The following SRFBP1 variants were observed in gnomAD, a reference collection of about 807,000 sequenced individuals.
SRFBP1 encodes serum response factor-binding protein 1.
Under a neutral mutation model 45.5 loss-of-function variants are expected in SRFBP1, and 47 were observed. The ratio of observed to expected loss-of-function variants is 1.03; its 90% CI spans 0.82 to 1.32. The LOEUF (loss-of-function observed/expected upper bound fraction) is 1.32. Ranked by LOEUF, SRFBP1 falls within the 40% of genes most tolerant of loss-of-function variation. SRFBP1 has a pLI of 0.00. For synonymous variants in SRFBP1, 203 were observed against 166.3 expected (o/e 1.22, Z -1.70); for missense variants, 621 against 484.6 (o/e 1.28, Z -2.64).
At chr5:122,002,335 T>A (rs1752888139) in intron 4 of SRFBP1, among the ~76,000 whole-genome samples, 2 of 152,246 alleles carry the variant, frequency 1.3e-5, no homozygotes, top group African/African-American at 4.8e-5. Flanking sequence ...TTCTGCATAA[T>A]CTGATTTTCC....
At chr5:122,030,964 A>G (rs559256335), downstream of SRFBP1, among the ~76,000 whole-genome samples, 5 of 152,280 alleles carry the variant, frequency 3.3e-5, no homozygotes, top group East Asian at 9.6e-4. Flanking sequence ...CTGTGTGCAT[A>G]CTCAGGAAAA....
At chr5:122,077,264 G>A, downstream of SRFBP1, 1 of 1,564,830 alleles carries the variant, frequency 6.4e-7, no homozygotes, top group Non-Finnish European at 8.6e-7. The surrounding 1 kb of genome is among the most constrained non-coding windows in gnomAD (Gnocchi z 4.9). Context: ...TGCGAGGACC[G>A]GGGCCCGCCG....
intron 7 of SRFBP1, among the ~76,000 whole-genome samples, chr5:122,023,021 G>A (rs955084116): frequency 6.6e-6 from 1 of 152,120 alleles, no homozygotes; most frequent in African/African-American, 2.4e-5. Context: ...TTCTCCATTT[G>A]CCAATAGAAG....
chr5:122,059,328 G>T (rs933907845), intron 2 of SRFBP1, among the ~76,000 whole-genome samples: 1 of 152,042 alleles, frequency 6.6e-6, no homozygotes, highest in African/African-American at 2.4e-5. Flanking sequence ...CAGAGAGCAG[G>T]TTGCCTAAAT....
intron 3 of SRFBP1, among the ~76,000 whole-genome samples, chr5:121,992,515 T>TA (rs1196555295): frequency 9.2e-5 from 14 of 152,200 alleles, no homozygotes; most frequent in East Asian, 5.8e-4. Flanking sequence ...AACTCCATCT[T>TA]AAAAAATTCT....
intron 2 of SRFBP1, among the ~76,000 whole-genome samples, chr5:122,049,463 TCAA>T (rs1238326121): frequency 1.3e-5 from 2 of 152,108 alleles, no homozygotes; most frequent in African/African-American, 4.8e-5. Flanking sequence ...ATTAGACAGA[TCAA>T]CGAGACAGAA....
chr5:122,035,048 T>A (rs1753666925), intron 2 of SRFBP1, among the ~76,000 whole-genome samples: 1 of 149,436 alleles, frequency 6.7e-6, no homozygotes, highest in Non-Finnish European at 1.5e-5. Flanking sequence ...GTTTTTTTTT[T>A]GTTGTTGTTG....
intron 2 of SRFBP1, among the ~76,000 whole-genome samples, chr5:122,040,973 A>G (rs1012402549): frequency 6.6e-6 from 1 of 152,150 alleles, no homozygotes; most frequent in African/African-American, 2.4e-5. Flanking sequence ...TATAGTTTTC[A>G]GCCTCCTCCA....
intron 1 of SRFBP1, among the ~76,000 whole-genome samples, chr5:121,968,234 A>G (rs945168694): frequency 6.8e-6 from 1 of 146,352 alleles, no homozygotes; most frequent in Non-Finnish European, 1.5e-5. Flanking sequence ...TATTATTATT[A>G]TTATTATTAT....
Position 122,026,982 on chromosome 5 carries a change from TAAG to T in SRFBP1, c.1150_1152del (p.Lys384del). ...AGCCTCAGATCAAGAATCAGTTTAA[TAAG>T]AAGCTATCAGGAAGACTTGAAAATA... is the stretch of plus-strand genomic sequence containing the variant. On this transcript the variant is annotated inframe_deletion, in exon 8 of 8. Coordinates refer to ENST00000339397, the MANE Select transcript of SRFBP1 (RefSeq NM_152546.3). 1.2e-6 allele frequency: 2 copies of T among 1,613,076 alleles called. No homozygotes were observed. Among genetic ancestry groups the T allele is most frequent in the Non-Finnish European group, 1.7e-6 (2 of 1,179,758 alleles).
chr5:121,967,257 T>C (rs902338084), intron 1 of SRFBP1, among the ~76,000 whole-genome samples: 1 of 152,204 alleles, frequency 6.6e-6, no homozygotes, highest in African/African-American at 2.4e-5. Context: ...TATGCGCTTA[T>C]GAAGTTACAA....
intron 4 of SRFBP1, among the ~76,000 whole-genome samples, chr5:122,011,471 A>G (rs1036350302): frequency 6.6e-6 from 1 of 152,120 alleles, no homozygotes; most frequent in Admixed American, 6.6e-5. Flanking sequence ...AGGTGTAAAA[A>G]CTATTTGTTC....
At chr5:121,979,793 T>G (rs1471721093) in intron 3 of SRFBP1, among the ~76,000 whole-genome samples, 2 of 152,144 alleles carry the variant, frequency 1.3e-5, no homozygotes, top group Admixed American at 1.3e-4. Flanking sequence ...GGAAGTCTGG[T>G]TATTACCTCA....
At chr5:122,010,845 C>A (rs975919231) in intron 4 of SRFBP1, among the ~76,000 whole-genome samples, 11 of 152,048 alleles carry the variant, frequency 7.2e-5, no homozygotes, top group East Asian at 1.9e-4. Flanking sequence ...CCAAAGAATT[C>A]TTTTTCCTTC....
At chr5:122,029,642 C>A (rs973763341), downstream of SRFBP1, among the ~76,000 whole-genome samples, 3 of 152,154 alleles carry the variant, frequency 2.0e-5, no homozygotes, top group African/African-American at 4.8e-5. Flanking sequence ...GTTCTTCTGT[C>A]TGCACTATGG....
At position 122,075,435 on chromosome 5, in the gene SRFBP1, T is replaced by G. The variant is rs577637209; in HGVS notation, n.432T>G. 2 of 1,613,804 alleles carry G rather than the reference T, an allele frequency of 1.2e-6. No individual in the cohort carries two copies. Among genetic ancestry groups the G allele is most frequent in the Non-Finnish European group, 8.5e-7 (1 of 1,179,844 alleles). ...CAACTGTGCCATTCCCAGGAATATC[T>G]TGGTCGGCTGGGTAAGAAATCTGAT... On this transcript the variant is annotated non_coding_transcript_exon_variant, in exon 3 of 3. Coordinates refer to the SRFBP1 transcript ENST00000504881.
intron 3 of SRFBP1, among the ~76,000 whole-genome samples, chr5:121,991,439 A>G (rs1303877517): frequency 6.6e-6 from 1 of 152,136 alleles, no homozygotes; most frequent in Non-Finnish European, 1.5e-5. Context: ...ACAATTTAGC[A>G]TGAACTTCCC....
At chr5:121,962,920 T>G (rs1418282411) in intron 1 of SRFBP1, among the ~76,000 whole-genome samples, 1 of 152,220 alleles carries the variant, frequency 6.6e-6, no homozygotes, top group Non-Finnish European at 1.5e-5. Flanking sequence ...TATTTTCTAG[T>G]AACCTATACT....
Position 122,020,206 on chromosome 5 carries a change from T to G in SRFBP1, c.471T>G (p.Asn157Lys), listed in dbSNP as rs200460481. The part of the protein sequence containing the change: ...NTLYSNDNGS[N>K]LQREATVISE... Reference sequence around the variant, plus strand: ...TGTATTCAAATGATAATGGAAGTAATTTACAGCGTGAAGCAACTGTCATCA... The same window carrying G: ...TGTATTCAAATGATAATGGAAGTAAGTTACAGCGTGAAGCAACTGTCATCA... The change falls in exon 6 of 8, where the codon AAT (asparagine) becomes AAG (lysine). Residue 157 changes from asparagine to lysine, a missense_variant. Coordinates refer to ENST00000339397, the MANE Select transcript of SRFBP1 (RefSeq NM_152546.3). 1 of 1,613,202 alleles carries G rather than the reference T, an allele frequency of 6.2e-7. No homozygotes were observed. Among genetic ancestry groups the G allele is most frequent in the Non-Finnish European group, 8.5e-7 (1 of 1,179,768 alleles).
Sources: gnomAD v4.1 joint callset for allele counts (sites outside exome capture counted in the v4.1 genomes callset) on GRCh38, gnomAD v4.1.1 for gene constraint, Gnocchi (gnomAD v3.1) non-coding constraint, MANE v1.5 for transcripts, NCBI Gene and HGNC (gene_info 2026-07-23, HGNC 2026-07-21) for gene names.